The following MAGI1 variants were observed in gnomAD, a reference collection of about 807,000 sequenced individuals.
The protein encoded by MAGI1 is membrane associated guanylate kinase, WW and PDZ domain containing 1.
In MAGI1, 58 loss-of-function variants were observed where a neutral mutation model predicts 139.9. The ratio of observed to expected loss-of-function variants is 0.41; its 90% confidence interval spans 0.34 to 0.52. The LOEUF (loss-of-function observed/expected upper bound fraction) is 0.52, where lower values mean the gene tolerates loss of function less well. MAGI1 is among the 20% of genes least tolerant of loss of function. The probability of loss-of-function intolerance (pLI) is 0.12; values close to 1 mark genes in which losing one functional copy is unlikely to be tolerated. For synonymous variants in MAGI1, 812 were observed against 737.9 expected, an observed-to-expected ratio of 1.10 and a Z score of -1.63; for missense variants, 1,874 against 1,901.6, an observed-to-expected ratio of 0.99 and a Z score of 0.27.
intron 12 of MAGI1, 27 bp from the exon 13 acceptor site, chr3:65,401,497 G>C (rs776803812): frequency 2.2e-5 from 35 of 1,609,886 alleles, no homozygotes; most frequent in Non-Finnish European, 2.9e-5. Context: ...AAGGAGGGGA[G>C]GGGGGAAGAA....
At chr3:65,520,042 G>A (rs1346232357) in intron 2 of MAGI1, among the ~76,000 whole-genome samples, 1 of 152,124 alleles carries the variant, frequency 6.6e-6, no homozygotes, top group African/African-American at 2.4e-5. Flanking sequence ...AAAAAAGGAG[G>A]CTCCCAGCCA....
At chr3:65,466,715 G>C (rs1406473200) in intron 5 of MAGI1, among the ~76,000 whole-genome samples, 1 of 152,218 alleles carries the variant, frequency 6.6e-6, no homozygotes, top group Non-Finnish European at 1.5e-5. Flanking sequence ...TGGGGTGGAA[G>C]TCCTGAGTTC....
At chr3:65,517,744 A>G (rs1282707962) in intron 2 of MAGI1, among the ~76,000 whole-genome samples, 1 of 152,062 alleles carries the variant, frequency 6.6e-6, no homozygotes, top group Non-Finnish European at 1.5e-5. Context: ...CCCTCCTCTG[A>G]GCCTCGAGAC....
chr3:65,543,681 C>T (rs890475162), intron 2 of MAGI1, among the ~76,000 whole-genome samples: 1 of 151,748 alleles, frequency 6.6e-6, no homozygotes, highest in African/African-American at 2.4e-5. Flanking sequence ...TATTCTCACT[C>T]ATAAGTGGGA....
intron 1 of MAGI1, among the ~76,000 whole-genome samples, chr3:65,984,478 T>C (rs1399964941): frequency 6.6e-6 from 1 of 151,316 alleles, no homozygotes; most frequent in East Asian, 1.9e-4. Context: ...CTCCTTCTTT[T>C]AAAACACGTT....
At chr3:65,529,787 AAC>A (rs2107836411) in intron 2 of MAGI1, among the ~76,000 whole-genome samples, 1 of 152,322 alleles carries the variant, frequency 6.6e-6, no homozygotes, top group East Asian at 1.9e-4. Context: ...ATACAGACAT[AAC>A]ACACATAAAA....
chr3:65,929,065 G>T (rs1028081806), intron 1 of MAGI1, among the ~76,000 whole-genome samples: 2 of 151,436 alleles, frequency 1.3e-5, no homozygotes, highest in Admixed American at 6.6e-5. Context: ...AAGCGGGAGG[G>T]ATCACTTAAG....
chr3:65,493,765 A>G, intron 2 of MAGI1, 134 bp from the exon 3 acceptor site: 1 of 997,178 alleles, frequency 1.0e-6, no homozygotes, highest in Admixed American at 2.4e-5. Context: ...CTGTCCAGAC[A>G]GGGACACAGT....
chr3:65,780,156 G>C (rs149079800), intron 1 of MAGI1, among the ~76,000 whole-genome samples: 313 of 152,192 alleles, frequency 2.1e-3, no homozygotes, highest in African/African-American at 7.2e-3. Flanking sequence ...CTAAGTAGCT[G>C]TGGACTACAA....
chr3:65,611,446 GTA>G (rs2083104564), intron 2 of MAGI1, among the ~76,000 whole-genome samples: 1 of 143,066 alleles, frequency 7.0e-6, no homozygotes, highest in Admixed American at 7.1e-5. Flanking sequence ...AGTATATATA[GTA>G]TACTGTTTAT....
At chr3:66,022,277 G>C (rs1373471978) in intron 1 of MAGI1, among the ~76,000 whole-genome samples, 2 of 152,132 alleles carry the variant, frequency 1.3e-5, no homozygotes, top group Non-Finnish European at 2.9e-5. Flanking sequence ...AAGAAAGCCA[G>C]GGCCTTTCTT....
At chr3:65,456,254 C>G (rs924000356) in intron 5 of MAGI1, among the ~76,000 whole-genome samples, 36 of 152,154 alleles carry the variant, frequency 2.4e-4, no homozygotes, top group Non-Finnish European at 4.3e-4. Flanking sequence ...CTAGAGCTAA[C>G]TAATTTTTTC....
At chr3:65,727,868 T>C (rs2033781843) in intron 1 of MAGI1, among the ~76,000 whole-genome samples, 1 of 152,170 alleles carries the variant, frequency 6.6e-6, no homozygotes, top group Admixed American at 6.6e-5. Context: ...TATTCAGAAG[T>C]GAAAATTATG....
Position 65,989,309 on chromosome 3 carries a change from C to T in MAGI1, c.313+48687G>A, listed in dbSNP as rs192719790. 2.1e-4 allele frequency among the ~76,000 whole-genome samples: 32 copies of T among 152,304 alleles called. No homozygotes were observed. The East Asian group carries it at 3.1e-3, about 15-fold the overall frequency. On this transcript the variant is annotated intron_variant, in intron 1 of 22. Coordinates refer to ENST00000402939, the MANE Select transcript of MAGI1 (RefSeq NM_001033057.2). ...TCAGTGTTTTTAAATTCTGGCTGCA[C>T]GCTAGACTTGTCCAATGAACTTTTT...
At chr3:65,568,730 T>C (rs746411961) in intron 2 of MAGI1, among the ~76,000 whole-genome samples, 2 of 152,204 alleles carry the variant, frequency 1.3e-5, no homozygotes, top group Non-Finnish European at 2.9e-5. Flanking sequence ...ATGTTGACTA[T>C]TAAATACCAG....
chr3:65,538,677 C>T (rs1464935871), intron 2 of MAGI1, among the ~76,000 whole-genome samples: 2 of 152,100 alleles, frequency 1.3e-5, no homozygotes, highest in Non-Finnish European at 2.9e-5. Flanking sequence ...CCACTAGATG[C>T]CATGCTCTCA....
At chr3:65,882,414 T>C (rs2060363359) in intron 1 of MAGI1, among the ~76,000 whole-genome samples, 1 of 152,114 alleles carries the variant, frequency 6.6e-6, no homozygotes, top group African/African-American at 2.4e-5. Flanking sequence ...GGTGAATAGT[T>C]TTTATATCAC....
At chr3:65,880,643 TGAG>T (rs1290550932) in intron 1 of MAGI1, among the ~76,000 whole-genome samples, 2 of 151,816 alleles carry the variant, frequency 1.3e-5, no homozygotes, top group Non-Finnish European at 2.9e-5. Flanking sequence ...GCTTCAAACT[TGAG>T]GAGATAATAA....
intron 1 of MAGI1, among the ~76,000 whole-genome samples, chr3:65,628,638 G>A (rs1173496185): frequency 6.6e-6 from 1 of 152,070 alleles, no homozygotes; most frequent in African/African-American, 2.4e-5. Context: ...TAGACATAGT[G>A]AGCCACTCTT....
Sources: allele counts gnomAD v4.1 joint callset (sites outside exome capture counted in the v4.1 genomes callset), GRCh38; gene constraint gnomAD v4.1.1; transcripts MANE v1.5; gene names NCBI Gene and HGNC (gene_info 2026-07-23, HGNC 2026-07-21).